The following ZNF469 variants were observed in gnomAD, a reference collection of about 807,000 sequenced individuals.
ZNF469 encodes zinc finger protein 469.
A neutral mutation model predicts 1.0 loss-of-function variants in ZNF469; 1 was observed. The observed-to-expected ratio is 1.00, with a 90% CI of 0.35 to 4.73. ZNF469 has a LOEUF of 4.73. ZNF469 is among the 30% of genes most tolerant of loss of function. The pLI is 0.16. For missense variants in ZNF469, 6,100 were observed against 5,356.3 expected (o/e 1.14, Z -4.33); for synonymous variants, 2,703 against 2,363.4 (o/e 1.14, Z -4.17).
chr16:88,113,740 G>A, the ZNF469 span, among the ~76,000 whole-genome samples: 1 of 150,938 alleles, frequency 6.6e-6, no homozygotes, highest in Non-Finnish European at 1.5e-5. Flanking sequence ...CCCCAGCTGT[G>A]AGGCGTGCGT....
chr16:88,181,073 CT>C, the ZNF469 span, among the ~76,000 whole-genome samples: 33,842 of 130,850 alleles, frequency 0.26, 3,874 homozygotes, highest in African/African-American at 0.41. Flanking sequence ...AGAATACACA[CT>C]TTTTTTTTTT....
At chr16:88,366,467 C>G in the ZNF469 span, among the ~76,000 whole-genome samples, 1 of 147,594 alleles carries the variant, frequency 6.8e-6, no homozygotes, top group Admixed American at 6.7e-5. Flanking sequence ...ATCATCATCA[C>G]CATCATCACC....
At chr16:88,339,745 A>C in the ZNF469 span, among the ~76,000 whole-genome samples, 1 of 64,366 alleles carries the variant, frequency 1.6e-5, no homozygotes, top group Non-Finnish European at 2.7e-5. Flanking sequence ...TGGCAGGGGG[A>C]TGGGGGACAG....
At chr16:88,119,169 G>C in the ZNF469 span, among the ~76,000 whole-genome samples, 1 of 152,232 alleles carries the variant, frequency 6.6e-6, no homozygotes, top group Non-Finnish European at 1.5e-5. Flanking sequence ...AAGAAAGATA[G>C]TAAGTGAAGA....
chr16:88,382,470 G>T (rs1273286633), upstream of ZNF469, among the ~76,000 whole-genome samples: 1 of 152,188 alleles, frequency 6.6e-6, no homozygotes, highest in African/African-American at 2.4e-5. Context: ...AAGGTCTGGG[G>T]GCAATGTTAG....
chr16:88,309,205 G>A, the ZNF469 span, among the ~76,000 whole-genome samples: 1 of 152,268 alleles, frequency 6.6e-6, no homozygotes, highest in Non-Finnish European at 1.5e-5. Context: ...AAGGAGGAAG[G>A]CCTCATAAGT....
the ZNF469 span, among the ~76,000 whole-genome samples, chr16:88,115,623 AGACCAGAAGG>A: frequency 3.3e-3 from 88 of 26,660 alleles, no homozygotes; most frequent in Non-Finnish European, 5.2e-3. Flanking sequence ...CTAGTTCTGG[AGACCAGAAGG>A]GAAATCAAGA....
At chr16:88,342,391 G>C in the ZNF469 span, among the ~76,000 whole-genome samples, 1 of 152,100 alleles carries the variant, frequency 6.6e-6, no homozygotes, top group Non-Finnish European at 1.5e-5. Flanking sequence ...CCAGTTCCCT[G>C]TGCCCCGCTC....
upstream of ZNF469, among the ~76,000 whole-genome samples, chr16:88,382,525 C>G (rs2092527896): frequency 6.6e-6 from 1 of 152,286 alleles, no homozygotes; most frequent in South Asian, 2.1e-4. Context: ...CCTTATGGTG[C>G]CTTCGAGGGC....
In ZNF469 at chr16:88,429,748, G is replaced by A; in HGVS notation, c.2278G>A (p.Ala760Thr). 6.5e-7 allele frequency: 1 copy of A among 1,544,488 alleles called. No individual in the cohort carries two copies. The stretch of plus-strand genomic sequence containing the variant: ...GTTCTGTGGCCTGCTCCTGGCCAGG[G>A]CCAAGGATGGCCACCAGCGGTCTCC... ...RQFCGLLLAR[A>T]KDGHQRSPGP... The change falls in exon 3 of 3, where the codon GCC (alanine) becomes ACC (threonine). Residue 760 changes from alanine (A) to threonine (T), a missense_variant. By Grantham distance (58) the Ala-to-Thr change is moderately conservative (BLOSUM62 0). Coordinates refer to ENST00000565624, the MANE Select transcript of ZNF469 (RefSeq NM_001367624.2).
chr16:88,317,571 C>G, the ZNF469 span, among the ~76,000 whole-genome samples: 2 of 152,184 alleles, frequency 1.3e-5, no homozygotes, highest in Admixed American at 1.3e-4. Context: ...ATGTAGTCTC[C>G]ATCGTGCTGA....
At chr16:88,131,828 G>A in the ZNF469 span, among the ~76,000 whole-genome samples, 1 of 152,062 alleles carries the variant, frequency 6.6e-6, no homozygotes, top group Non-Finnish European at 1.5e-5. Flanking sequence ...TGTGCTTTGG[G>A]GTCAGCTCTG....
the ZNF469 span, among the ~76,000 whole-genome samples, chr16:88,120,595 T>G: frequency 6.6e-6 from 1 of 152,154 alleles, no homozygotes; most frequent in African/African-American, 2.4e-5. Flanking sequence ...GCGAGAGCCC[T>G]CAACCAGGGA....
chr16:88,121,947 C>T, the ZNF469 span, among the ~76,000 whole-genome samples: 2 of 152,196 alleles, frequency 1.3e-5, no homozygotes, highest in African/African-American at 4.8e-5. Context: ...CTTCCTTTTG[C>T]CAAACTTCCA....
chr16:88,139,041 C>T, the ZNF469 span, among the ~76,000 whole-genome samples: 2 of 152,228 alleles, frequency 1.3e-5, no homozygotes, highest in Non-Finnish European at 2.9e-5. Flanking sequence ...TAACCTGCAA[C>T]ATTTTAAGTC....
chr16:88,314,720 G>A, the ZNF469 span, among the ~76,000 whole-genome samples: 5 of 149,476 alleles, frequency 3.3e-5, no homozygotes, highest in South Asian at 1.1e-3. Context: ...TTATGATGAT[G>A]CTGGTGTGGA....
upstream of ZNF469, among the ~76,000 whole-genome samples, chr16:88,379,614 C>A (rs1358348889): frequency 1.3e-5 from 2 of 152,094 alleles, no homozygotes; most frequent in East Asian, 1.9e-4. Context: ...ACACCTGGGG[C>A]AGGATGATTC....
At chr16:88,345,616 G>C in the ZNF469 span, among the ~76,000 whole-genome samples, 1 of 152,140 alleles carries the variant, frequency 6.6e-6, no homozygotes, top group African/African-American at 2.4e-5. Context: ...TGTCCCCTCT[G>C]CCCGTGGGGT....
chr16:88,434,756 C>G lies in ZNF469; in HGVS notation c.7286C>G (p.Ala2429Gly). The change falls in exon 3 of 3, where the codon GCC (alanine) becomes GGC (glycine). Residue 2429 changes from alanine to glycine, a missense_variant. Ala to Gly is a moderately conservative substitution (Grantham distance 60). Transcript: ENST00000565624. ...GACTCCCCCCAAAGCCACAGAAATG[C>G]CTCCCACCAGACTCCCCAGGGGGAC... ...QSDSPQSHRN[A>G]SHQTPQGDPL... 6.5e-7 allele frequency: 1 copy of G among 1,550,384 alleles called. No homozygotes were observed. The highest frequency in any genetic ancestry group is 8.7e-7 in the Non-Finnish European group (1 of 1,146,962).
Sources: allele counts gnomAD v4.1 joint callset (sites outside exome capture counted in the v4.1 genomes callset), GRCh38; gene constraint gnomAD v4.1.1; transcripts MANE v1.5; gene names NCBI Gene and HGNC (gene_info 2026-07-23, HGNC 2026-07-21).